The following GSE1 variants were observed in gnomAD, a reference collection of about 807,000 sequenced individuals.
GSE1 encodes Gse1 coiled-coil protein.
GSE1 carries 32 observed loss-of-function variants against 112.6 expected under a neutral mutation model. The ratio of observed to expected loss-of-function variants is 0.28; its 90% CI spans 0.21 to 0.38. The LOEUF (loss-of-function observed/expected upper bound fraction) is 0.38. Ranked by LOEUF, GSE1 falls within the 10% of genes least tolerant of loss-of-function variation. GSE1 has a pLI of 1.00. For synonymous variants in GSE1, 1,115 were observed against 735.6 expected (o/e 1.52, Z -8.35); for missense variants, 2,348 against 1,699.2 (o/e 1.38, Z -6.71).
In GSE1 at chr16:85,404,103, G is replaced by C. The variant is rs73259349; in HGVS notation, c.2464+46460G>C. 7.2e-5 allele frequency among the ~76,000 whole-genome samples: 6 copies of C among 83,834 alleles called. 2 individuals are homozygous for C. Among genetic ancestry groups the C allele is most frequent in the Admixed American group, 1.0e-4 (1 of 9,844 alleles). 55.0% of individuals were successfully genotyped at this position (83,834 alleles called of 152,430 possible). A position where few individuals can be genotyped will look rare whatever the true frequency, so the allele number is the denominator to read the frequency against. On this transcript the variant is annotated intron_variant, in intron 2 of 2. Transcript: ENST00000637419. ...TTGTGATTGGACACAGGGCCCCCCCGGATAATCCTCACTGTTACACTCAGG... is the reference window on the plus strand; with the variant it reads ...TTGTGATTGGACACAGGGCCCCCCCCGATAATCCTCACTGTTACACTCAGG...
chr16:85,609,615 G>A (rs1286351340), upstream of GSE1, among the ~76,000 whole-genome samples: 1 of 152,088 alleles, frequency 6.6e-6, no homozygotes. Flanking sequence ...CAGGGAGTAG[G>A]TTTAAGGTGT....
At chr16:85,356,355 C>T (rs777954416) in intron 1 of GSE1, among the ~76,000 whole-genome samples, 1 of 152,252 alleles carries the variant, frequency 6.6e-6, no homozygotes, top group Non-Finnish European at 1.5e-5. Context: ...CTGGCCCTCG[C>T]ACGGGTCCGT....
intron 1 of GSE1, among the ~76,000 whole-genome samples, chr16:85,178,988 T>C (rs1395486249): frequency 6.6e-6 from 1 of 152,128 alleles, no homozygotes; most frequent in African/African-American, 2.4e-5. Context: ...GTGGTTTTTG[T>C]TGTTGTTTTA....
At chr16:85,278,042 C>T (rs566494991) in intron 1 of GSE1, among the ~76,000 whole-genome samples, 5 of 152,386 alleles carry the variant, frequency 3.3e-5, no homozygotes, top group East Asian at 1.9e-4. Context: ...GTGTCCCAAC[C>T]GTATCGTCCA....
chr16:85,250,181 C>T (rs905892372), intron 1 of GSE1, among the ~76,000 whole-genome samples: 22 of 152,238 alleles, frequency 1.4e-4, no homozygotes, highest in African/African-American at 5.3e-4. Context: ...GAAGAGACCC[C>T]TCTTCCCCTT....
intron 1 of GSE1, among the ~76,000 whole-genome samples, chr16:85,210,337 A>G (rs536967759): frequency 1.2e-3 from 182 of 152,350 alleles, no homozygotes; most frequent in African/African-American, 4.1e-3. Flanking sequence ...TGTGATTGAC[A>G]AAACTGCTGT....
At chr16:85,466,554 G>C (rs1178724634) in intron 2 of GSE1, among the ~76,000 whole-genome samples, 1 of 152,218 alleles carries the variant, frequency 6.6e-6, no homozygotes, top group Non-Finnish European at 1.5e-5. Flanking sequence ...CTTATAGATA[G>C]GGCCAGGTGG....
chr16:85,268,673 C>T (rs1330763214), intron 1 of GSE1, among the ~76,000 whole-genome samples: 2 of 152,176 alleles, frequency 1.3e-5, no homozygotes, highest in Non-Finnish European at 2.9e-5. Flanking sequence ...CCCCTGGAGC[C>T]CCCCAAGGGC....
At chr16:85,647,191 C>G (rs2050944820) in intron 2 of GSE1, among the ~76,000 whole-genome samples, 1 of 152,226 alleles carries the variant, frequency 6.6e-6, no homozygotes, top group Admixed American at 6.5e-5. Context: ...TGCCCCCTGT[C>G]CTTGGGGTAT....
intron 2 of GSE1, among the ~76,000 whole-genome samples, chr16:85,459,901 G>T (rs138752365): frequency 6.6e-6 from 1 of 152,212 alleles, no homozygotes; most frequent in African/African-American, 2.4e-5. Context: ...CCCAGCTCAC[G>T]CAGTGAGTGG....
intron 8 of GSE1, among the ~76,000 whole-genome samples, chr16:85,658,232 C>T (rs960745302): frequency 6.6e-6 from 1 of 152,174 alleles, no homozygotes; most frequent in Non-Finnish European, 1.5e-5. Context: ...TGTGCTGGTC[C>T]CAGGCCCCCA....
intron 2 of GSE1, among the ~76,000 whole-genome samples, chr16:85,537,476 A>G (rs927548014): frequency 2.0e-5 from 3 of 152,206 alleles, no homozygotes; most frequent in African/African-American, 7.2e-5. Flanking sequence ...CCTGGGGTCA[A>G]CGGGGCTGCC....
intron 2 of GSE1, among the ~76,000 whole-genome samples, chr16:85,467,673 C>T (rs1196388195): frequency 6.6e-6 from 1 of 152,204 alleles, no homozygotes; most frequent in African/African-American, 2.4e-5. Context: ...GTGGCCTTTC[C>T]TGACCTAGCC....
chr16:85,212,869 T>A (rs1049306958), intron 1 of GSE1, among the ~76,000 whole-genome samples: 6 of 152,212 alleles, frequency 3.9e-5, no homozygotes, highest in Non-Finnish European at 7.3e-5. Flanking sequence ...GGCTTGTGCC[T>A]GTAATCCCAG....
chr16:85,487,029 G>A (rs2050864533), intron 2 of GSE1, among the ~76,000 whole-genome samples: 1 of 152,176 alleles, frequency 6.6e-6, no homozygotes, highest in Admixed American at 6.5e-5. Flanking sequence ...ACCCCAGGGG[G>A]TTCTGATACA....
At position 85,192,483 on chromosome 16, in the gene GSE1, T is replaced by G. The variant is rs367915063; in HGVS notation, c.2283+20676T>G. Among the ~76,000 whole-genome samples the G allele has an allele frequency of 8.5e-5, 13 of 152,308 alleles. No individual in the cohort carries two copies. The East Asian group carries it at 1.4e-3, about 16-fold the overall frequency. On this transcript the variant is annotated intron_variant, in intron 1 of 2. Transcript: ENST00000637419. ...CTTCTAGAACAGGAGTTTCATTGGG[T>G]GCATATGGCCGCCCGTTGCTGGGTG...
intron 2 of GSE1, among the ~76,000 whole-genome samples, chr16:85,421,538 A>T (rs1399990501): frequency 1.3e-5 from 2 of 152,192 alleles, no homozygotes. Flanking sequence ...ATGACTTGTT[A>T]ATTCAACAAA....
intron 2 of GSE1, among the ~76,000 whole-genome samples, chr16:85,421,712 C>T (rs554539482): frequency 6.6e-6 from 1 of 152,204 alleles, no homozygotes; most frequent in Non-Finnish European, 1.5e-5. Context: ...AGCCCCTTCC[C>T]TCGGGGAACC....
rs1349080164 is a variant in GSE1, at chr16:85,588,948, C to T, written c.37+32585C>T. On this transcript the variant is annotated intron_variant, in intron 1 of 2. Transcript: ENST00000635906. ...GGACTTTCACATGTTCACACTCACA[C>T]ATATTCACACACACGTTCACACTAA... Among the ~76,000 whole-genome samples the T allele has an allele frequency of 5.3e-5, 8 of 152,172 alleles. No individual in the cohort carries two copies. The East Asian group carries it at 5.8e-4, about 11-fold the overall frequency.
Sources: gnomAD v4.1 joint callset for allele counts (sites outside exome capture counted in the v4.1 genomes callset) on GRCh38, gnomAD v4.1.1 for gene constraint, MANE v1.5 for transcripts, NCBI Gene and HGNC (gene_info 2026-07-23, HGNC 2026-07-21) for gene names.